Variants in MAP3K5 observed in about 807,000 individuals in gnomAD.
MAP3K5 encodes ASK-1.
MAP3K5 carries 56 observed loss-of-function variants against 158.7 expected under a neutral mutation model. That is an observed-to-expected ratio of 0.35 (90% CI 0.28 to 0.44). The LOEUF (loss-of-function observed/expected upper bound fraction) is 0.44, where lower values mean the gene tolerates loss of function less well. Ranked by LOEUF, MAP3K5 falls within the 20% of genes least tolerant of loss-of-function variation. The pLI, the probability that MAP3K5 is intolerant of heterozygous loss-of-function variation, is 1.00. For missense variants in MAP3K5, 1,294 were observed against 1,674.8 expected (o/e 0.77, Z 3.97); for synonymous variants, 579 against 601.7 (o/e 0.96, Z 0.55).
chr6:136,766,241 C>G (rs1468200528), intron 1 of MAP3K5, among the ~76,000 whole-genome samples: 3 of 152,214 alleles, frequency 2.0e-5, no homozygotes, highest in African/African-American at 7.2e-5. Flanking sequence ...ATGGAATAAA[C>G]TTCTGAATTG....
rs142864029 is a variant in MAP3K5, at chr6:136,738,530, C to G, written c.449-17941G>C. On this transcript the variant is annotated intron_variant, in intron 1 of 29. Transcript: ENST00000359015. ...ATAATAAAAAGAGTCTTCCAACTGG[C>G]ACTCAGCCCAAGAGTCCACAGATCA... Among the ~76,000 whole-genome samples the G allele has an allele frequency of 2.4e-4, 36 of 152,288 alleles. No individual in the cohort carries two copies. The East Asian group carries it at 4.4e-3, about 19-fold the overall frequency.
At position 136,570,723 on chromosome 6, in the gene MAP3K5, A is replaced by ACT. The variant is rs1774324727; in HGVS notation, c.3518-2851_3518-2850dup. On this transcript the variant is annotated intron_variant, in intron 25 of 29. Transcript: ENST00000359015. ...TACACAGTTCAGTAGTGTTAAGTAT[A>ACT]CTAACAGTGTTATGCTACCAATCTC... Among the ~76,000 whole-genome samples the ACT allele has an allele frequency of 2.0e-5, 3 of 152,346 alleles. No individual in the cohort carries two copies. In the South Asian group the frequency reaches 6.2e-4, roughly 32 times the overall value.
intron 27 of MAP3K5, 27 bp downstream of exon 27, chr6:136,562,476 A>G: frequency 8.0e-7 from 1 of 1,242,794 alleles, no homozygotes; most frequent in East Asian, 2.6e-5. Context: ...GCTGAACAGT[A>G]TTACTATAAA....
intron 19 of MAP3K5, among the ~76,000 whole-genome samples, chr6:136,603,120 A>C (rs1775949867): frequency 6.6e-6 from 1 of 151,902 alleles, no homozygotes. Flanking sequence ...CACAGTTCTA[A>C]GTGCTTGGTA....
chr6:136,693,613 A>G (rs1234911292), intron 7 of MAP3K5, among the ~76,000 whole-genome samples: 1 of 151,918 alleles, frequency 6.6e-6, no homozygotes, highest in Non-Finnish European at 1.5e-5. Context: ...TTTTAAAATT[A>G]TATTTCTTAA....
At chr6:136,607,069 C>T (rs57568749) in intron 18 of MAP3K5, among the ~76,000 whole-genome samples, 2,143 of 152,288 alleles carry the variant, frequency 0.014, 34 homozygotes, top group East Asian at 0.079. Context: ...TCCCCAAAGA[C>T]GCTCGCCCAC....
At chr6:136,756,688 G>A (rs1361206123) in intron 1 of MAP3K5, among the ~76,000 whole-genome samples, 2 of 152,122 alleles carry the variant, frequency 1.3e-5, no homozygotes, top group Non-Finnish European at 1.5e-5. Context: ...AAGCCTGAAG[G>A]TCATACTATT....
chr6:136,665,376 C>T (rs1249237200), intron 8 of MAP3K5, among the ~76,000 whole-genome samples: 2 of 141,198 alleles, frequency 1.4e-5, no homozygotes, highest in Non-Finnish European at 1.5e-5. Context: ...GATGGAGTTT[C>T]GCTCTTGTCG....
chr6:136,729,929 T>A lies in MAP3K5; in HGVS notation c.449-9340A>T, dbSNP rs1485131494. 2.0e-5 allele frequency among the ~76,000 whole-genome samples: 3 copies of A among 152,148 alleles called. No homozygotes were observed. The East Asian group carries it at 5.8e-4, about 29-fold the overall frequency. ...ACGTTTCTGCTTTGAACGTCATAAT[T>A]AAGGATAATGATTTGCCATTAACAT... On this transcript the variant is annotated intron_variant, in intron 1 of 29. Transcript: ENST00000359015.
chr6:136,626,310 C>T (rs1386960898), intron 14 of MAP3K5, among the ~76,000 whole-genome samples: 1 of 152,216 alleles, frequency 6.6e-6, no homozygotes, highest in Non-Finnish European at 1.5e-5. Context: ...TGGCTCAGGA[C>T]AGAGGCCAAG....
At chr6:136,722,121 C>T (rs1343184253) in intron 1 of MAP3K5, among the ~76,000 whole-genome samples, 1 of 152,114 alleles carries the variant, frequency 6.6e-6, no homozygotes, top group African/African-American at 2.4e-5. Flanking sequence ...TCTCTATTTG[C>T]AGATGTTGTG....
At chr6:136,703,379 AC>A (rs1780935419) in intron 3 of MAP3K5, among the ~76,000 whole-genome samples, 1 of 152,122 alleles carries the variant, frequency 6.6e-6, no homozygotes, top group Non-Finnish European at 1.5e-5. Context: ...CATAATGGCT[AC>A]CCTCTTTTTA....
At chr6:136,770,116 CT>C (rs1784137816) in intron 1 of MAP3K5, among the ~76,000 whole-genome samples, 1 of 151,924 alleles carries the variant, frequency 6.6e-6, no homozygotes, top group South Asian at 2.1e-4. Flanking sequence ...AATGGCCTCC[CT>C]TTTTATTTTT....
chr6:136,775,826 T>C (rs1784383012), intron 1 of MAP3K5, among the ~76,000 whole-genome samples: 1 of 152,244 alleles, frequency 6.6e-6, no homozygotes, highest in African/African-American at 2.4e-5. Context: ...CAACAGCTTT[T>C]GTGTGTACAA....
In MAP3K5 at chr6:136,792,468, A is replaced by C; in HGVS notation, c.-311T>G. On this transcript the variant is annotated 5_prime_UTR_variant, in exon 1 of 30. Coordinates refer to ENST00000359015, the MANE Select transcript of MAP3K5 (RefSeq NM_005923.4). The surrounding 1 kb of genome is among the most constrained non-coding windows in gnomAD (Gnocchi z 5.7). ...AGCTTCCTTTTCTTGGCCGGCTGAC[A>C]AGTCGGCTCGCAAACCTGCGCCGCG... The C allele has an allele frequency of 1.2e-6, 1 of 825,828 alleles. No individual in the cohort carries two copies. Among genetic ancestry groups the C allele is most frequent in the Non-Finnish European group, 1.5e-6 (1 of 685,740 alleles). 51.2% of individuals were successfully genotyped at this position (825,828 alleles called of 1,614,324 possible). A position where few individuals can be genotyped will look rare whatever the true frequency, so the allele number is the denominator to read the frequency against.
In MAP3K5 at chr6:136,613,401, G is replaced by C. The variant is rs1257374661; in HGVS notation, c.2279-145C>G. The C allele has an allele frequency of 1.2e-5, 7 of 592,362 alleles. No individual in the cohort carries two copies. Among genetic ancestry groups the C allele is most frequent in the Non-Finnish European group, 1.9e-5 (7 of 371,662 alleles). 36.7% of individuals were successfully genotyped at this position (592,362 alleles called of 1,614,324 possible). A position where few individuals can be genotyped will look rare whatever the true frequency, so the allele number is the denominator to read the frequency against. On this transcript the variant is annotated intron_variant, in intron 16 of 29. Coordinates refer to ENST00000359015, the MANE Select transcript of MAP3K5 (RefSeq NM_005923.4). This position sits in a 1 kb window ranked among gnomAD's most constrained non-coding sequence, Gnocchi z 4.0. ...TATACTGGATATCGGGCTCAAACATGAATTTGCAAATATCCCTACTCTAAA... is the reference window on the plus strand; with the variant it reads ...TATACTGGATATCGGGCTCAAACATCAATTTGCAAATATCCCTACTCTAAA...
At chr6:136,701,198 A>T (rs992391977) in intron 3 of MAP3K5, among the ~76,000 whole-genome samples, 5 of 152,336 alleles carry the variant, frequency 3.3e-5, no homozygotes, top group African/African-American at 1.2e-4. Context: ...CACCCTCCTG[A>T]GTGGCCTTTA....
Position 136,585,469 on chromosome 6 carries a change from TTTTC to T in MAP3K5, c.3226-1733_3226-1730del, listed in dbSNP as rs35799129. 6.2e-3 allele frequency among the ~76,000 whole-genome samples: 813 copies of T among 131,520 alleles called. 11 individuals are homozygous for T. Among genetic ancestry groups the T allele is most frequent in the Middle Eastern group, 0.019 (5 of 264 alleles). The allele number at this position is 131,520 out of a possible 152,430, so 86.3% of individuals were successfully genotyped here. ...AAGGCATATTGCTTCCTTTCTTTTC[TTTTC>T]TTTATTTATTTATTTATTTATTTAT... On this transcript the variant is annotated intron_variant, in intron 23 of 29. Transcript: ENST00000359015.
In MAP3K5 at chr6:136,759,454, C is replaced by CTATATATATATATATATATATATATA. The variant is rs570186848; in HGVS notation, c.448+32230_448+32255dup. Among the ~76,000 whole-genome samples the CTATATATATATATATATATATATATA allele has an allele frequency of 2.0e-3, 194 of 98,056 alleles. 10 individuals carry two copies. Among genetic ancestry groups the CTATATATATATATATATATATATATA allele is most frequent in the African/African-American group, 2.9e-3 (76 of 25,954 alleles). The allele number at this position is 98,056 out of a possible 152,430, so 64.3% of individuals were successfully genotyped here. On this transcript the variant is annotated intron_variant, in intron 1 of 29. Coordinates refer to ENST00000359015, the MANE Select transcript of MAP3K5 (RefSeq NM_005923.4). Reference sequence around the variant, plus strand: ...TCCTAAAATAACCTTTATACTAAAACTATATATATATATATATATATATAT... The same window carrying CTATATATATATATATATATATATATA: ...TCCTAAAATAACCTTTATACTAAAACTATATATATATATATATATATATATATATATATATATATATATATATATAT...
Sources: gnomAD v4.1 joint callset for allele counts (sites outside exome capture counted in the v4.1 genomes callset) on GRCh38, gnomAD v4.1.1 for gene constraint, Gnocchi (gnomAD v3.1) non-coding constraint, MANE v1.5 for transcripts, NCBI Gene and HGNC (gene_info 2026-07-23, HGNC 2026-07-21) for gene names.